The following NLRP14 variants were observed in gnomAD, a reference collection of about 807,000 sequenced individuals.
NLRP14 encodes the protein NACHT, LRR and PYD domains-containing protein 14.
A neutral mutation model predicts 94.7 loss-of-function variants in NLRP14; 105 were observed. That is an observed-to-expected ratio of 1.11 (90% confidence interval 0.95 to 1.30). The LOEUF is 1.30. NLRP14 is among the 50% of genes most tolerant of loss of function. The pLI, the probability that NLRP14 is intolerant of heterozygous loss-of-function variation, is 0.00. For synonymous variants in NLRP14, 508 were observed against 459.9 expected (o/e 1.10, Z -1.34); for missense variants, 1,362 against 1,254.1 (o/e 1.09, Z -1.30).
chr11:7,083,979 G>A, the NLRP14 span, among the ~76,000 whole-genome samples: 5 of 152,210 alleles, frequency 3.3e-5, no homozygotes, highest in African/African-American at 9.6e-5. Context: ...TCAAGTGGGG[G>A]ATTTTTGTCT....
Position 7,071,378 on chromosome 11 carries a change from T to TC in NLRP14, c.*70_*71insC. The TC allele has an allele frequency of 4.5e-6, 6 of 1,327,316 alleles. No individual in the cohort carries two copies. The highest frequency in any genetic ancestry group is 4.2e-6 in the Non-Finnish European group (4 of 944,346). The allele number at this position is 1,327,316 out of a possible 1,614,324, so 82.2% of individuals were successfully genotyped here. Reference sequence around the variant, plus strand: ...TACATACATAGATATATACCCAGACTTGGGTGCTTAGCTTCAGATACTCTA... The same window carrying TC: ...TACATACATAGATATATACCCAGACTCTGGGTGCTTAGCTTCAGATACTCTA... On this transcript the variant is annotated 3_prime_UTR_variant, in exon 12 of 12. Transcript: ENST00000299481.
chr11:7,041,648 C>T (rs923971525), intron 3 of NLRP14, among the ~76,000 whole-genome samples: 1 of 152,154 alleles, frequency 6.6e-6, no homozygotes, highest in Non-Finnish European at 1.5e-5. Flanking sequence ...GATGAAGCCC[C>T]TAGCCAAGTG....
chr11:7,053,624 G>A (rs1852474881), intron 6 of NLRP14, among the ~76,000 whole-genome samples: 1 of 151,554 alleles, frequency 6.6e-6, no homozygotes, highest in Admixed American at 6.6e-5. Context: ...TTTTCTGAGA[G>A]GATTTTGTAT....
At chr11:7,052,503 C>T (rs1036184600) in intron 6 of NLRP14, among the ~76,000 whole-genome samples, 19 of 152,050 alleles carry the variant, frequency 1.2e-4, no homozygotes, top group African/African-American at 2.9e-4. Context: ...CATGGTGATG[C>T]GCACCTGTAA....
intron 6 of NLRP14, among the ~76,000 whole-genome samples, chr11:7,052,629 G>GT (rs1852456649): frequency 1.3e-5 from 2 of 151,600 alleles, no homozygotes. Context: ...GCAAGACTGT[G>GT]TTTAAAAAAA....
intron 9 of NLRP14, among the ~76,000 whole-genome samples, chr11:7,061,655 C>T (rs1431112570): frequency 1.3e-5 from 2 of 152,000 alleles, no homozygotes; most frequent in South Asian, 2.1e-4. Flanking sequence ...GATATGACAA[C>T]AGTCTCAGGG....
Position 7,042,557 on chromosome 11 carries a change from G to T in NLRP14, c.531G>T (p.Gln177His). 1 of 1,614,242 alleles carries T rather than the reference G, an allele frequency of 6.2e-7. No individual in the cohort carries two copies. The change falls in exon 4 of 12, where the codon CAG (glutamine) becomes CAT (histidine). Residue 177 changes from glutamine to histidine, a missense_variant. By Grantham distance (24) the Gln-to-His change is conservative. Transcript: ENST00000299481. ...ATGTCAAAACCGGTGCACAGCCACA[G>T]ATCGTGGTGCTTCAGGGAGCTGCTG... ...DVDVKTGAQPQIVVLQGAAGV... is the reference protein window; with the variant it reads ...DVDVKTGAQPHIVVLQGAAGV...
Position 7,043,193 on chromosome 11 carries a change from C to G in NLRP14, c.1167C>G (p.Val389=). The G allele has an allele frequency of 1.2e-6, 2 of 1,614,122 alleles. No individual in the cohort carries two copies. Among genetic ancestry groups the G allele is most frequent in the Non-Finnish European group, 1.7e-6 (2 of 1,180,006 alleles). The change falls in exon 4 of 12, where the codon GTC becomes GTG. Residue 389 remains valine (V), a synonymous_variant. Transcript: ENST00000299481. ...LKQQMEKGGD[V]TLTCQTTTAL... is the part of the protein sequence containing the mutation. ...AGCAAATGGAGAAGGGTGGTGATGTCACATTGACCTGCCAAACAACCACAG... is the reference window on the plus strand; with the variant it reads ...AGCAAATGGAGAAGGGTGGTGATGTGACATTGACCTGCCAAACAACCACAG...
In NLRP14 at chr11:7,051,786, C is replaced by T. The variant is rs573613050; in HGVS notation, c.2291+1948C>T. 3.9e-5 allele frequency among the ~76,000 whole-genome samples: 6 copies of T among 152,112 alleles called. No homozygotes were observed. In the South Asian group the frequency reaches 1.2e-3, roughly 32 times the overall value. On this transcript the variant is annotated intron_variant, in intron 6 of 11. Coordinates refer to ENST00000299481, the MANE Select transcript of NLRP14 (RefSeq NM_176822.4). ...TACAGGCCCATGCCACCATGCCCGG[C>T]TTATTTTTGTGTTTTTAGTAGAGAT...
At position 7,059,966 on chromosome 11, in the gene NLRP14, G is replaced by A. The variant is rs1281774736; in HGVS notation, c.2706G>A (p.Leu902=). 6.2e-7 allele frequency: 1 copy of A among 1,612,576 alleles called. No individual in the cohort carries two copies. The highest frequency in any genetic ancestry group is 8.5e-7 in the Non-Finnish European group (1 of 1,178,924). Residue 902 remains leucine, a synonymous_variant, in exon 9 of 12, where the codon CTG becomes CTA. Transcript: ENST00000299481. Reference sequence around the variant, plus strand: ...CTTCTCTTCTACACAACAAGAGCCTGACGCATCTGGATCTAGGATCAAACT... The same window carrying A: ...CTTCTCTTCTACACAACAAGAGCCTAACGCATCTGGATCTAGGATCAAACT... ...LSTSLLHNKS[L]THLDLGSNWL...
chr11:7,075,074 C>G (rs1223114900), downstream of NLRP14, among the ~76,000 whole-genome samples: 2 of 152,032 alleles, frequency 1.3e-5, no homozygotes, highest in African/African-American at 4.8e-5. Context: ...GGGAAGAAAG[C>G]CTAAGGGTAG....
At chr11:7,083,475 A>G in the NLRP14 span, among the ~76,000 whole-genome samples, 1 of 152,144 alleles carries the variant, frequency 6.6e-6, no homozygotes, top group Non-Finnish European at 1.5e-5. Context: ...CATCTATCAC[A>G]TGGTAAGGAA....
At chr11:7,048,653 T>C (rs1852396021) in intron 5 of NLRP14, among the ~76,000 whole-genome samples, 1 of 152,198 alleles carries the variant, frequency 6.6e-6, no homozygotes, top group Non-Finnish European at 1.5e-5. Context: ...TAGATGTATG[T>C]TATGATTACG....
At chr11:7,038,146 T>G (rs968710561) in intron 1 of NLRP14, among the ~76,000 whole-genome samples, 35 of 152,082 alleles carry the variant, frequency 2.3e-4, no homozygotes, top group Non-Finnish European at 1.2e-4. Flanking sequence ...ATAGAAGGGA[T>G]GAGGATGGAC....
intron 1 of NLRP14, among the ~76,000 whole-genome samples, chr11:7,036,784 A>G (rs1429326110): frequency 6.6e-6 from 1 of 152,156 alleles, no homozygotes; most frequent in Non-Finnish European, 1.5e-5. Flanking sequence ...AGAAGATTGA[A>G]GAAGTTTGAC....
intron 3 of NLRP14, 30 bp downstream of exon 3, chr11:7,039,815 G>T: frequency 6.4e-7 from 1 of 1,551,616 alleles, no homozygotes; most frequent in Non-Finnish European, 8.9e-7. Flanking sequence ...ATCAGATTTG[G>T]GAGGCATTCA....
Position 7,059,902 on chromosome 11 carries a change from G to T in NLRP14, c.2642G>T (p.Arg881Leu), listed in dbSNP as rs150675099. The T allele has an allele frequency of 1.9e-6, 3 of 1,611,840 alleles. No individual in the cohort carries two copies. In the Admixed American group the frequency reaches 5.0e-5, roughly 27 times the overall value. ...QCTLKSLVLR[R>L]CHFTSLSSEY... ...CATTGTCCTTCCTGTAGGCTGAGGC[G>T]TTGCCATTTCACTTCACTTAGCAGT... is the stretch of plus-strand genomic sequence containing the variant. The change falls in exon 9 of 12, where the codon CGT becomes CTT. Residue 881 changes from arginine (R) to leucine (L), a missense_variant. Coordinates refer to ENST00000299481, the MANE Select transcript of NLRP14 (RefSeq NM_176822.4).
intron 9 of NLRP14, among the ~76,000 whole-genome samples, chr11:7,061,905 G>A (rs932634844): frequency 2.6e-5 from 4 of 151,994 alleles, no homozygotes; most frequent in African/African-American, 7.2e-5. Flanking sequence ...GCCATGCAAA[G>A]GACCTGGAAT....
chr11:7,051,955 T>A (rs910586377), intron 6 of NLRP14, among the ~76,000 whole-genome samples: 2 of 152,212 alleles, frequency 1.3e-5, no homozygotes, highest in East Asian at 1.9e-4. Context: ...TGCTTTACTA[T>A]AATATTTACC....
Sources: allele counts gnomAD v4.1 joint callset (sites outside exome capture counted in the v4.1 genomes callset), GRCh38; gene constraint gnomAD v4.1.1; transcripts MANE v1.5; gene names NCBI Gene and HGNC (gene_info 2026-07-23, HGNC 2026-07-21).